TTLL2: variants seen among roughly 807,000 people sequenced by gnomAD.
The protein encoded by TTLL2 is tubulin tyrosine ligase like 2.
In TTLL2, 10 loss-of-function variants were observed where a neutral mutation model predicts 7.5. The ratio of observed to expected loss-of-function variants is 1.33; its 90% CI spans 0.82 to 2.25. The LOEUF is 2.25. TTLL2 is among the 30% of genes most tolerant of loss of function. The probability of loss-of-function intolerance (pLI) is 0.00; values close to 1 mark genes in which losing one functional copy is unlikely to be tolerated. For missense variants in TTLL2, 733 were observed against 735.7 expected (o/e 1.00, Z 0.04); for synonymous variants, 284 against 280.3 (o/e 1.01, Z -0.13).
intron 2 of TTLL2, among the ~76,000 whole-genome samples, chr6:167,339,780 G>A (rs541901725): frequency 2.0e-5 from 3 of 152,310 alleles, no homozygotes; most frequent in South Asian, 2.1e-4. Context: ...AGGACGGGCC[G>A]CAGATATGGG....
chr6:167,338,600 A>G, intron 1 of TTLL2, 47 bp from the exon 2 acceptor site: 2 of 1,574,800 alleles, frequency 1.3e-6, no homozygotes, highest in Non-Finnish European at 1.7e-6. Context: ...AGCAACAGTG[A>G]CAAGGGAGAT....
intron 1 of TTLL2, among the ~76,000 whole-genome samples, chr6:167,330,716 C>A (rs1778909390): frequency 6.6e-6 from 1 of 152,192 alleles, no homozygotes; most frequent in African/African-American, 2.4e-5. Flanking sequence ...TGAGGGCACC[C>A]TGTCCAGGAA....
Position 167,340,105 on chromosome 6 carries a change from A to G in TTLL2, c.205A>G (p.Lys69Glu). The G allele has an allele frequency of 1.3e-6, 2 of 1,562,772 alleles. No individual in the cohort carries two copies. The highest frequency in any genetic ancestry group is 1.4e-5 in the African/African-American group (1 of 73,208). ...GRPTPTLEKKKKPHLMAEDEP... is the reference protein window; with the variant it reads ...GRPTPTLEKKEKPHLMAEDEP... The stretch of plus-strand genomic sequence containing the variant: ...ACCTTTCTCAATGATCCATTTTTAG[A>G]AAAAACCTCATTTGATGGCGGAAGA... The change falls in exon 3 of 3, where the codon AAA (lysine) becomes GAA (glutamate). Residue 69 changes from lysine (K) to glutamate (E), a missense_variant and splice_region_variant. By Grantham distance (56) the Lys-to-Glu change is moderately conservative. Transcript: ENST00000239587.
At position 167,325,221 on chromosome 6, in the gene TTLL2, G is replaced by T. The variant is rs139712965; in HGVS notation, c.47+1G>T. 3.2e-6 allele frequency: 5 copies of T among 1,570,024 alleles called. No homozygotes were observed. Among genetic ancestry groups the T allele is most frequent in the Non-Finnish European group, 4.3e-6 (5 of 1,158,218 alleles). On this transcript the variant is annotated splice_donor_variant, in intron 1 of 2. Coordinates refer to ENST00000239587, the MANE Select transcript of TTLL2 (RefSeq NM_031949.5). LOFTEE classifies it high-confidence loss of function. The stretch of plus-strand genomic sequence containing the variant: ...CCTCCACACAAAGCCAGGCGCTGGG[G>T]TAAGCGTAGGAGGCGACACGTAGGA...
rs200446307 is a variant in TTLL2, at chr6:167,338,778, G to T, written c.179G>T (p.Arg60Leu). The change falls in exon 2 of 3, where the codon CGC becomes CTC. Residue 60 changes from arginine (R) to leucine (L), a missense_variant. Physicochemically the swap from Arg to Leu is moderately radical, Grantham distance 102. Coordinates refer to ENST00000239587, the MANE Select transcript of TTLL2 (RefSeq NM_031949.5). ...GTTTCCATCCCTCCCAGGCGAGGCC[G>T]CCCAACACCAACACTGGAGAAGAAG... ...AGVSIPPRRG[R>L]PTPTLEKKKK... 5 of 1,612,390 alleles carry T rather than the reference G, an allele frequency of 3.1e-6. No homozygotes were observed. The highest frequency in any genetic ancestry group is 2.2e-5 in the East Asian group (1 of 44,826).
chr6:167,337,387 A>C (rs1265016986), intron 1 of TTLL2, among the ~76,000 whole-genome samples: 2 of 152,008 alleles, frequency 1.3e-5, no homozygotes, highest in African/African-American at 2.4e-5. Flanking sequence ...GACGGAACTG[A>C]GGTTTGCAGA....
chr6:167,342,137 T>C lies in TTLL2; in HGVS notation c.*458T>C, dbSNP rs915876890. On this transcript the variant is annotated 3_prime_UTR_variant, in exon 3 of 3. Transcript: ENST00000239587. ...ATTTTGTTAACTTAAGATCAGACAA[T>C]CATTCAGAGTGAGATAAATCACTGA... 8.5e-5 allele frequency among the ~76,000 whole-genome samples: 13 copies of C among 152,178 alleles called. 1 individual carries two copies. Among genetic ancestry groups the C allele is most frequent in the African/African-American group, 3.1e-4 (13 of 41,428 alleles).
chr6:167,339,330 A>G (rs1228929428), intron 2 of TTLL2, among the ~76,000 whole-genome samples: 1 of 152,180 alleles, frequency 6.6e-6, no homozygotes, highest in Non-Finnish European at 1.5e-5. Flanking sequence ...CTAGATCTTA[A>G]TGAAACAACA....
In TTLL2 at chr6:167,340,842, A is replaced by C. The variant is rs1779077740; in HGVS notation, c.942A>C (p.Glu314Asp). ...GGGCCTCTTATGAGAAGATCAAAGA[A>C]GTGATTGGTCATGGTTGTAAATGGA... ...KSGASYEKIK[E>D]VIGHGCKWTL... Residue 314 changes from glutamate (E) to aspartate (D), a missense_variant, in exon 3 of 3, where the codon GAA (glutamate) becomes GAC (aspartate). Coordinates refer to ENST00000239587, the MANE Select transcript of TTLL2 (RefSeq NM_031949.5). The C allele has an allele frequency of 1.2e-6, 2 of 1,614,082 alleles. No homozygotes were observed. The highest frequency in any genetic ancestry group is 1.7e-6 in the Non-Finnish European group (2 of 1,180,052).
intron 1 of TTLL2, among the ~76,000 whole-genome samples, chr6:167,335,294 T>C (rs1403783780): frequency 6.6e-6 from 1 of 150,910 alleles, no homozygotes; most frequent in East Asian, 1.9e-4. Flanking sequence ...CCAGTTAGAA[T>C]GGCAATCATT....
At chr6:167,331,921 C>T (rs917451850) in intron 1 of TTLL2, among the ~76,000 whole-genome samples, 2 of 152,220 alleles carry the variant, frequency 1.3e-5, no homozygotes, top group Admixed American at 6.5e-5. Flanking sequence ...CCCCTGCAGT[C>T]TCTCTGAATC....
chr6:167,339,042 CTCCT>C (rs951526536), intron 2 of TTLL2, among the ~76,000 whole-genome samples: 3 of 147,608 alleles, frequency 2.0e-5, no homozygotes, highest in Admixed American at 6.8e-5. Context: ...CCCTCATTTC[CTCCT>C]TCCTTCCTTC....
At position 167,341,461 on chromosome 6, in the gene TTLL2, C is replaced by G. The variant is rs759090609; in HGVS notation, c.1561C>G (p.Leu521Val). The G allele has an allele frequency of 8.7e-6, 14 of 1,614,054 alleles. No homozygotes were observed. In the East Asian group the frequency reaches 3.1e-4, roughly 36 times the overall value. ...LRSRHTPHKTLMPYASLFQSH... is the reference protein window; with the variant it reads ...LRSRHTPHKTVMPYASLFQSH... Reference sequence around the variant, plus strand: ...GAGCAGGCACACGCCTCACAAGACACTCATGCCCTACGCGTCCCTCTTCCA... The same window carrying G: ...GAGCAGGCACACGCCTCACAAGACAGTCATGCCCTACGCGTCCCTCTTCCA... The change falls in exon 3 of 3, where the codon CTC (leucine) becomes GTC (valine). Residue 521 changes from leucine (L) to valine (V), a missense_variant. Physicochemically the swap from Leu to Val is conservative, Grantham distance 32. Transcript: ENST00000239587.
Position 167,341,878 on chromosome 6 carries a change from T to C in TTLL2, c.*199T>C, listed in dbSNP as rs1054655616. 3.4e-6 allele frequency: 2 copies of C among 585,782 alleles called. No individual in the cohort carries two copies. The highest frequency in any genetic ancestry group is 5.8e-6 in the Non-Finnish European group (2 of 345,882). The allele number at this position is 585,782 out of a possible 1,614,324, so 36.3% of individuals were successfully genotyped here. A position where few individuals can be genotyped will look rare whatever the true frequency, so the allele number is the denominator to read the frequency against. On this transcript the variant is annotated 3_prime_UTR_variant, in exon 3 of 3. Transcript: ENST00000239587. ...ATGTTCAAGTGGTGATTAAACTACA[T>C]TACATCCCATGTTTATTTGCTCAGG...
At chr6:167,329,136 C>T (rs893556427) in intron 1 of TTLL2, among the ~76,000 whole-genome samples, 6 of 152,128 alleles carry the variant, frequency 3.9e-5, no homozygotes, top group African/African-American at 1.4e-4. Flanking sequence ...AGGACCTGCT[C>T]GCAGAACCCC....
At chr6:167,335,564 A>C (rs1778974067) in intron 1 of TTLL2, among the ~76,000 whole-genome samples, 1 of 148,136 alleles carries the variant, frequency 6.8e-6, no homozygotes, top group South Asian at 2.2e-4. Flanking sequence ...AAGACTTGGA[A>C]CCAACCCAAA....
In TTLL2 at chr6:167,340,152, G is replaced by A. The variant is rs969902156; in HGVS notation, c.252G>A (p.Leu84=). 1.9e-6 allele frequency: 3 copies of A among 1,604,830 alleles called. No individual in the cohort carries two copies. The highest frequency in any genetic ancestry group is 2.6e-6 in the Non-Finnish European group (3 of 1,176,144). ...AAGATGAACCTTCAGGGGCCCTCTT[G>A]AAGCCGCTGGTTTTTCGCGTTGACG... The part of the protein sequence containing the change: ...MAEDEPSGAL[L]KPLVFRVDET... Residue 84 remains leucine (L), a synonymous_variant, in exon 3 of 3, where the codon TTG becomes TTA. Transcript: ENST00000239587.
rs747589758 is a variant in TTLL2 at position 167,340,887 on chromosome 6, C to T, written c.987C>T (p.Ser329=). Residue 329 remains serine (S), a synonymous_variant, in exon 3 of 3, where the codon TCC becomes TCT. Coordinates refer to ENST00000239587, the MANE Select transcript of TTLL2 (RefSeq NM_031949.5). ...GCKWTLSRFF[S]YLRSWDVDDL... ...AATGGACGCTCAGCAGATTTTTTTC[C>T]TACCTTCGTAGCTGGGATGTGGACG... 7 of 1,613,940 alleles carry T rather than the reference C, an allele frequency of 4.3e-6. No individual in the cohort carries two copies. The Admixed American group carries it at 1.2e-4, about 27-fold the overall frequency.
chr6:167,335,648 A>G (rs1778974950), intron 1 of TTLL2, among the ~76,000 whole-genome samples: 5 of 151,768 alleles, frequency 3.3e-5, no homozygotes, highest in Admixed American at 3.3e-4. Context: ...GCCATAAAAA[A>G]TGATGAGTTC....
Sources: gnomAD v4.1 joint callset for allele counts (sites outside exome capture counted in the v4.1 genomes callset) on GRCh38, gnomAD v4.1.1 for gene constraint, MANE v1.5 for transcripts, NCBI Gene and HGNC (gene_info 2026-07-23, HGNC 2026-07-21) for gene names.